The following FAM167A variants were observed in gnomAD, a reference collection of about 807,000 sequenced individuals.
FAM167A encodes family with sequence similarity 167 member A.
Under a neutral mutation model 14.9 loss-of-function variants are expected in FAM167A, and 23 were observed. That is an observed-to-expected ratio of 1.55 (90% CI 1.11 to 2.19). The LOEUF is 2.19. FAM167A is among the 30% of genes most tolerant of loss of function. The probability of loss-of-function intolerance (pLI) is 0.00; values close to 1 mark genes in which losing one functional copy is unlikely to be tolerated. For synonymous variants in FAM167A, 174 were observed against 117.7 expected, an observed-to-expected ratio of 1.48 and a Z score of -3.10; for missense variants, 401 against 281.5, an observed-to-expected ratio of 1.42 and a Z score of -3.04.
chr8:11,424,277 C>T lies in FAM167A; in HGVS notation c.*96G>A, dbSNP rs555254008. The stretch of plus-strand genomic sequence containing the variant: ...CGCCAGTCCCAGGGACCCCTGCCTC[C>T]GGGAGACCCACTGGAGTAACTTGGC... On this transcript the variant is annotated 3_prime_UTR_variant, in exon 3 of 3. Coordinates refer to ENST00000284486, the MANE Select transcript of FAM167A (RefSeq NM_053279.3). 4.3e-5 allele frequency: 66 copies of T among 1,535,348 alleles called. No homozygotes were observed. In the Middle Eastern group the frequency reaches 6.6e-4, roughly 15 times the overall value.
chr8:11,474,922 G>C (rs1315305878), intron 1 of FAM167A, among the ~76,000 whole-genome samples: 1 of 151,924 alleles, frequency 6.6e-6, no homozygotes, highest in African/African-American at 2.4e-5. Flanking sequence ...GGGGAGGGGA[G>C]AGGGAGAAGG....
chr8:11,422,046 T>G lies in FAM167A; in HGVS notation c.*2327A>C. 1 of 386,458 alleles carries G rather than the reference T, an allele frequency of 2.6e-6. No individual in the cohort carries two copies. The highest frequency in any genetic ancestry group is 4.6e-6 in the Non-Finnish European group (1 of 218,992). The allele number at this position is 386,458 out of a possible 1,614,324, so 23.9% of individuals were successfully genotyped here. On this transcript the variant is annotated 3_prime_UTR_variant, in exon 3 of 3. Coordinates refer to ENST00000284486, the MANE Select transcript of FAM167A (RefSeq NM_053279.3). The stretch of plus-strand genomic sequence containing the variant: ...ATCCCATAATAAAGTTCTCTTAGGA[T>G]AAACCGAGCAAAATAGCTCAGACAT...
chr8:11,431,814 G>A (rs1204282705), intron 2 of FAM167A, among the ~76,000 whole-genome samples: 3 of 146,188 alleles, frequency 2.1e-5, no homozygotes, highest in Admixed American at 7.0e-5. Context: ...ACCCTGAAGA[G>A]TAGTCTGGGA....
At chr8:11,433,598 C>G (rs933567842) in intron 2 of FAM167A, among the ~76,000 whole-genome samples, 1 of 152,114 alleles carries the variant, frequency 6.6e-6, no homozygotes, top group African/African-American at 2.4e-5. Context: ...CAACCAGAGG[C>G]GAAAGAGTGC....
At chr8:11,431,820 T>C (rs554337686) in intron 2 of FAM167A, among the ~76,000 whole-genome samples, 18 of 126,652 alleles carry the variant, frequency 1.4e-4, no homozygotes, top group African/African-American at 5.5e-4. Flanking sequence ...AAGAGTAGTC[T>C]GGGAGGTAGA....
intron 1 of FAM167A, among the ~76,000 whole-genome samples, chr8:11,461,189 G>C (rs1807524109): frequency 6.6e-6 from 1 of 152,256 alleles, no homozygotes; most frequent in African/African-American, 2.4e-5. Context: ...GGGACGCCCA[G>C]TCGCTGGTGT....
intron 1 of FAM167A, among the ~76,000 whole-genome samples, chr8:11,457,136 G>C (rs978029663): frequency 7.9e-6 from 1 of 126,590 alleles, no homozygotes; most frequent in African/African-American, 3.0e-5. Context: ...GCGGGGCTGG[G>C]TTAGGGGTGT....
At chr8:11,470,287 C>T (rs1386854315), upstream of FAM167A, among the ~76,000 whole-genome samples, 3 of 151,402 alleles carry the variant, frequency 2.0e-5, no homozygotes, top group South Asian at 2.1e-4. Context: ...TTGAGGGAGA[C>T]GATGGAGGGG....
Position 11,444,476 on chromosome 8 carries a change from G to T in FAM167A, c.-65C>A. ...GGGGGCGCAGGGGGAGGCTTGGTGG[G>T]TGGCACAGTTGGGTCCCGCTCTGGG... On this transcript the variant is annotated 5_prime_UTR_variant, in exon 2 of 3. Coordinates refer to ENST00000284486, the MANE Select transcript of FAM167A (RefSeq NM_053279.3). 1.3e-6 allele frequency: 2 copies of T among 1,501,490 alleles called. No individual in the cohort carries two copies. Among genetic ancestry groups the T allele is most frequent in the Non-Finnish European group, 8.9e-7 (1 of 1,129,148 alleles). The allele number at this position is 1,501,490 out of a possible 1,614,324, so 93.0% of individuals were successfully genotyped here. A position where few individuals can be genotyped will look rare whatever the true frequency, so the allele number is the denominator to read the frequency against.
intron 1 of FAM167A, among the ~76,000 whole-genome samples, chr8:11,474,232 A>G (rs1000879401): frequency 6.6e-6 from 1 of 152,164 alleles, no homozygotes; most frequent in Non-Finnish European, 1.5e-5. Context: ...CCACCTGGAA[A>G]GGGGTGTGGC....
At chr8:11,461,569 G>A (rs1428646270) in intron 1 of FAM167A, among the ~76,000 whole-genome samples, 1 of 152,260 alleles carries the variant, frequency 6.6e-6, no homozygotes, top group East Asian at 1.9e-4. Context: ...ACACTTCCCA[G>A]CTGGCTGAAA....
chr8:11,465,341 C>G (rs1274315923), intron 1 of FAM167A, among the ~76,000 whole-genome samples: 1 of 152,156 alleles, frequency 6.6e-6, no homozygotes, highest in Non-Finnish European at 1.5e-5. Flanking sequence ...GCACGTGAGG[C>G]TGACTCTCTG....
At chr8:11,427,344 C>CCA (rs1805246283) in intron 2 of FAM167A, among the ~76,000 whole-genome samples, 1 of 152,184 alleles carries the variant, frequency 6.6e-6, no homozygotes, top group Non-Finnish European at 1.5e-5. Flanking sequence ...TAGTGCAGAG[C>CCA]GCCTTCTGTA....
intron 2 of FAM167A, among the ~76,000 whole-genome samples, chr8:11,428,560 T>C (rs7831885): frequency 0.19 from 28,473 of 152,258 alleles, 2,839 homozygotes; most frequent in Middle Eastern, 0.35. Context: ...GGCTGGGAAT[T>C]GCAACTTCCT....
chr8:11,429,843 G>GA (rs1805452816), intron 2 of FAM167A, among the ~76,000 whole-genome samples: 4 of 152,218 alleles, frequency 2.6e-5, no homozygotes, highest in Admixed American at 2.6e-4. Flanking sequence ...CTCATCTACA[G>GA]AAAAGAGATA....
chr8:11,451,710 G>C (rs781726680), intron 1 of FAM167A, among the ~76,000 whole-genome samples: 1 of 152,316 alleles, frequency 6.6e-6, no homozygotes, highest in South Asian at 2.1e-4. Flanking sequence ...AATTGGGTGC[G>C]TGTGAGTCTC....
rs746960113 is a variant in FAM167A, at chr8:11,424,627, G to A, written c.391C>T (p.Arg131Trp). ...CTGGCCAGTTGCTGGTCCTGCAGCC[G>A]CATCTCCGTCTGGAAGGGAGGGGGA... ...AWLRKELTEMRLQDQQLARQL... is the reference protein window; with the variant it reads ...AWLRKELTEMWLQDQQLARQL... Residue 131 changes from arginine to tryptophan, a missense_variant, in exon 3 of 3, where the codon CGG becomes TGG. By Grantham distance (101) the Arg-to-Trp change is moderately radical (BLOSUM62 -3). Coordinates refer to ENST00000284486, the MANE Select transcript of FAM167A (RefSeq NM_053279.3). 9 of 1,613,466 alleles carry A rather than the reference G, an allele frequency of 5.6e-6. No homozygotes were observed. Among genetic ancestry groups the A allele is most frequent in the Admixed American group, 1.7e-5 (1 of 59,992 alleles).
upstream of FAM167A, chr8:11,467,441 G>C (rs1807818110): frequency 6.5e-6 from 1 of 152,686 alleles, no homozygotes; most frequent in Admixed American, 6.5e-5. Context: ...TTCAGGACCA[G>C]TCCCAGCTTC....
upstream of FAM167A, among the ~76,000 whole-genome samples, chr8:11,472,079 T>C (rs1807977256): frequency 1.3e-5 from 2 of 152,264 alleles, no homozygotes; most frequent in Non-Finnish European, 2.9e-5. Context: ...ACTTGATTTA[T>C]AACTTTCAAA....
Sources: gnomAD v4.1 joint callset for allele counts (sites outside exome capture counted in the v4.1 genomes callset) on GRCh38, gnomAD v4.1.1 for gene constraint, MANE v1.5 for transcripts, NCBI Gene and HGNC (gene_info 2026-07-23, HGNC 2026-07-21) for gene names.